The following CDKL1 variants were observed in gnomAD, a reference collection of about 807,000 sequenced individuals.
CDKL1 encodes the protein cyclin-dependent kinase-like 1.
Under a neutral mutation model 42.0 loss-of-function variants are expected in CDKL1, and 41 were observed. That is an observed-to-expected ratio of 0.98 (90% CI 0.76 to 1.27). The LOEUF (loss-of-function observed/expected upper bound fraction) is 1.27. Ranked by LOEUF, CDKL1 falls within the 50% of genes most tolerant of loss-of-function variation. The pLI, the probability that CDKL1 is intolerant of heterozygous loss-of-function variation, is 0.00. For synonymous variants in CDKL1, 153 were observed against 158.6 expected, an observed-to-expected ratio of 0.96 and a Z score of 0.26; for missense variants, 394 against 428.4, an observed-to-expected ratio of 0.92 and a Z score of 0.71.
At chr14:50,347,500 A>G (rs1935736221) in intron 3 of CDKL1, among the ~76,000 whole-genome samples, 1 of 152,198 alleles carries the variant, frequency 6.6e-6, no homozygotes, top group Non-Finnish European at 1.5e-5. Context: ...TTTAAAATAG[A>G]GCTTCCAGGA....
intron 3 of CDKL1, 81 bp from the exon 4 acceptor site, chr14:50,345,139 A>T (rs2033685511): frequency 1.5e-6 from 2 of 1,315,764 alleles, no homozygotes; most frequent in Non-Finnish European, 2.1e-6. Context: ...ATAAACGAAG[A>T]TAGGCTTTAG....
chr14:50,393,544 T>G (rs1202679424), intron 2 of CDKL1, among the ~76,000 whole-genome samples: 1 of 152,194 alleles, frequency 6.6e-6, no homozygotes, highest in South Asian at 2.1e-4. Context: ...AGTGGCCTAA[T>G]CATAGCTCAC....
chr14:50,330,528 A>G (rs1446283248), intron 9 of CDKL1: 1 of 229,094 alleles, frequency 4.4e-6, no homozygotes, highest in South Asian at 5.9e-5. Context: ...CTTATAGCGG[A>G]GAAAACTGAT....
At chr14:50,358,143 T>C (rs1263371960) in intron 3 of CDKL1, 1 of 1,336,754 alleles carries the variant, frequency 7.5e-7, no homozygotes. Flanking sequence ...ATGTTGCATA[T>C]GCTAGAGAGA....
chr14:50,365,770 T>C (rs1056226416), intron 2 of CDKL1, among the ~76,000 whole-genome samples: 3 of 152,314 alleles, frequency 2.0e-5, no homozygotes, highest in South Asian at 2.1e-4. Context: ...AGACCCACCC[T>C]CAATCTGGAC....
At chr14:50,385,279 A>G (rs1412243687) in intron 2 of CDKL1, among the ~76,000 whole-genome samples, 1 of 152,160 alleles carries the variant, frequency 6.6e-6, no homozygotes, top group Non-Finnish European at 1.5e-5. Context: ...CAAAAATGAC[A>G]TCATACACTT....
intron 2 of CDKL1, among the ~76,000 whole-genome samples, chr14:50,362,629 G>C (rs1435726899): frequency 6.6e-6 from 1 of 152,130 alleles, no homozygotes; most frequent in Non-Finnish European, 1.5e-5. Flanking sequence ...TCGACACTCT[G>C]TATCTAGCTA....
At chr14:50,362,988 T>C (rs768074245) in intron 2 of CDKL1, 26 of 465,130 alleles carry the variant, frequency 5.6e-5, no homozygotes, top group African/African-American at 2.8e-4. Flanking sequence ...GTAACACTTA[T>C]GGCAAAGGGC....
At position 50,337,580 on chromosome 14, in the gene CDKL1, T is replaced by C. The variant is rs140437799; in HGVS notation, c.738+1367A>G. On this transcript the variant is annotated intron_variant, in intron 7 of 9. Coordinates refer to ENST00000395834, the MANE Select transcript of CDKL1 (RefSeq NM_004196.7). ...GTTGCCCAGGCTGGTCTAGACCTCC[T>C]GTGCTCAAGCAATATTTCACCTCAG... Among the ~76,000 whole-genome samples the C allele has an allele frequency of 2.3e-3, 355 of 152,182 alleles. 1 individual carries two copies. In the Middle Eastern group the frequency reaches 0.065, roughly 28 times the overall value.
intron 2 of CDKL1, among the ~76,000 whole-genome samples, chr14:50,393,482 C>A (rs1167532775): frequency 6.6e-6 from 1 of 152,200 alleles, no homozygotes; most frequent in Non-Finnish European, 1.5e-5. Context: ...TATTAAGTAT[C>A]TTTATTTTAT....
chr14:50,341,273 G>T, intron 5 of CDKL1, 41 bp from the exon 6 acceptor site: 1 of 1,549,098 alleles, frequency 6.5e-7, no homozygotes, highest in East Asian at 2.3e-5. Flanking sequence ...AGCAGCGGAA[G>T]GCTGGAATCA....
At chr14:50,354,285 A>G (rs1240596164) in intron 3 of CDKL1, among the ~76,000 whole-genome samples, 1 of 152,184 alleles carries the variant, frequency 6.6e-6, no homozygotes, top group Non-Finnish European at 1.5e-5. Context: ...TGCTTTAAAA[A>G]TTTGCAACAA....
chr14:50,356,646 G>A (rs1294915747), intron 3 of CDKL1, among the ~76,000 whole-genome samples: 2 of 152,150 alleles, frequency 1.3e-5, no homozygotes, highest in African/African-American at 4.8e-5. Context: ...CATGGACACA[G>A]GAAGGGGAAC....
At chr14:50,354,159 TGGCCA>T (rs2033987070) in intron 3 of CDKL1, among the ~76,000 whole-genome samples, 1 of 152,124 alleles carries the variant, frequency 6.6e-6, no homozygotes, top group Admixed American at 6.6e-5. Flanking sequence ...TTCACCATGT[TGGCCA>T]GGCTGGTCTT....
intron 8 of CDKL1, chr14:50,333,115 G>A (rs11570869): frequency 0.033 from 5,153 of 153,974 alleles, 305 homozygotes; most frequent in African/African-American, 0.12. Flanking sequence ...AATTGACTCA[G>A]TTTTTGTTGG....
At chr14:50,395,566 C>T in intron 2 of CDKL1, 135 bp downstream of exon 2, 1 of 630,034 alleles carries the variant, frequency 1.6e-6, no homozygotes, top group South Asian at 2.0e-5. Context: ...ACTCAGGAGG[C>T]TGAGGCAGAA....
At chr14:50,339,078 G>T in intron 6 of CDKL1, 49 bp from the exon 7 acceptor site, 1 of 1,207,274 alleles carries the variant, frequency 8.3e-7, no homozygotes, top group South Asian at 1.2e-5. Context: ...AGCAAACACT[G>T]ATCTATGGTT....
intron 7 of CDKL1, chr14:50,335,476 C>T (rs1203111588): frequency 1.3e-6 from 2 of 1,536,064 alleles, no homozygotes; most frequent in Non-Finnish European, 1.7e-6. Context: ...TTTAAACAGT[C>T]TCCTGTGGGG....
At chr14:50,367,482 G>A (rs1293333462) in intron 2 of CDKL1, among the ~76,000 whole-genome samples, 1 of 152,208 alleles carries the variant, frequency 6.6e-6, no homozygotes, top group African/African-American at 2.4e-5. Context: ...CCAACATTGT[G>A]AATGTTTGCA....
Sources: allele counts gnomAD v4.1 joint callset (sites outside exome capture counted in the v4.1 genomes callset), GRCh38; gene constraint gnomAD v4.1.1; transcripts MANE v1.5; gene names NCBI Gene and HGNC (gene_info 2026-07-23, HGNC 2026-07-21).